The following CCDC172 variants were observed in gnomAD, a reference collection of about 807,000 sequenced individuals.
The protein encoded by CCDC172 is coiled-coil domain containing 172, also known as coiled-coil domain-containing protein 172.
A neutral mutation model predicts 38.0 loss-of-function variants in CCDC172; 30 were observed. The observed-to-expected ratio is 0.79, with a 90% CI of 0.59 to 1.07. The LOEUF is 1.07. Among genes scored for constraint, CCDC172 ranks in the 50% least tolerant of loss-of-function variants. The pLI, the probability that CCDC172 is intolerant of heterozygous loss-of-function variation, is 0.00. For missense variants in CCDC172, 297 were observed against 290.1 expected, an observed-to-expected ratio of 1.02 and a Z score of -0.17; for synonymous variants, 78 against 88.3, an observed-to-expected ratio of 0.88 and a Z score of 0.66.
chr10:116,351,219 T>A (rs1280823319), intron 5 of CCDC172, among the ~76,000 whole-genome samples: 9 of 152,170 alleles, frequency 5.9e-5, no homozygotes, highest in African/African-American at 7.2e-5. Flanking sequence ...GTATCTTTTT[T>A]AATCTGTTGA....
chr10:116,336,994 C>A (rs1844740547), intron 3 of CCDC172, among the ~76,000 whole-genome samples: 1 of 151,748 alleles, frequency 6.6e-6, no homozygotes, highest in African/African-American at 2.4e-5. Flanking sequence ...ACTATAAGCT[C>A]CATTAAAAAA....
intron 7 of CCDC172, among the ~76,000 whole-genome samples, chr10:116,363,915 G>A (rs1845092912): frequency 6.7e-6 from 1 of 149,124 alleles, no homozygotes; most frequent in Non-Finnish European, 1.5e-5. Flanking sequence ...TGGGCAACAG[G>A]AGCGAGACTT....
At chr10:116,333,606 GA>G (rs1364425711) in intron 3 of CCDC172, among the ~76,000 whole-genome samples, 1 of 152,136 alleles carries the variant, frequency 6.6e-6, no homozygotes, top group Non-Finnish European at 1.5e-5. Flanking sequence ...AAATAACACA[GA>G]AGTTATCTTA....
At chr10:116,371,398 G>A (rs1313520230) in intron 7 of CCDC172, among the ~76,000 whole-genome samples, 6 of 151,612 alleles carry the variant, frequency 4.0e-5, no homozygotes, top group Non-Finnish European at 8.9e-5. Flanking sequence ...AATCCTAATA[G>A]ATCTTAGTGT....
chr10:116,342,122 GAA>G lies in CCDC172; in HGVS notation c.372_373del (p.Glu126AlafsTer10). On this transcript the variant is annotated frameshift_variant, in exon 5 of 9. Transcript: ENST00000333254. LOFTEE classifies it high-confidence loss of function. ...DFNNDYEITKKRELLMKENVK... is the reference protein window; with the variant it reads ...DFNNDYEITKXRELLMKENVK... ...TTAATAATGATTATGAAATAACAAA[GAA>G]AAGAGAGCTTTTGATGAAAGAAAAT... is the stretch of plus-strand genomic sequence containing the variant. The G allele has an allele frequency of 6.4e-7, 1 of 1,550,758 alleles. No individual in the cohort carries two copies. The highest frequency in any genetic ancestry group is 8.6e-7 in the Non-Finnish European group (1 of 1,158,230).
chr10:116,358,055 T>C, intron 7 of CCDC172, 117 bp downstream of exon 7: 1 of 625,740 alleles, frequency 1.6e-6, no homozygotes, highest in Non-Finnish European at 2.8e-6. Context: ...AGGACATTAT[T>C]TTCTTCTCTG....
chr10:116,328,918 C>G (rs897275551), intron 3 of CCDC172, among the ~76,000 whole-genome samples: 3 of 151,890 alleles, frequency 2.0e-5, no homozygotes, highest in Non-Finnish European at 2.9e-5. Flanking sequence ...TTTTTTCTTT[C>G]TTTACACTTA....
intron 3 of CCDC172, 70 bp from the exon 4 acceptor site, chr10:116,340,664 C>T: frequency 1.4e-6 from 1 of 736,752 alleles, no homozygotes; most frequent in Non-Finnish European, 2.3e-6. Context: ...CAAATCTTCT[C>T]TGTTACCTAA....
In CCDC172 at chr10:116,358,003, A is replaced by G. The variant is rs577345453; in HGVS notation, c.653+65A>G. On this transcript the variant is annotated intron_variant, in intron 7 of 8. Coordinates refer to ENST00000333254, the MANE Select transcript of CCDC172 (RefSeq NM_198515.3). The stretch of plus-strand genomic sequence containing the variant: ...TTTTTCAAGTTAAATAGATTTCAGT[A>G]TAAAGCTAAGTGCATCAATTATTAA... 33 of 838,432 alleles carry G rather than the reference A, an allele frequency of 3.9e-5. No individual in the cohort carries two copies. In the Admixed American group the frequency reaches 6.9e-4, roughly 17 times the overall value. 51.9% of individuals were successfully genotyped at this position (838,432 alleles called of 1,614,324 possible). A position where few individuals can be genotyped will look rare whatever the true frequency, so the allele number is the denominator to read the frequency against.
chr10:116,377,591 GA>G (rs745723938), intron 7 of CCDC172, among the ~76,000 whole-genome samples: 14 of 152,044 alleles, frequency 9.2e-5, no homozygotes, highest in Non-Finnish European at 1.9e-4. Context: ...CTTAATTGGG[GA>G]AAAGAAACTT....
chr10:116,332,478 T>C (rs1844675773), intron 3 of CCDC172, among the ~76,000 whole-genome samples: 1 of 152,132 alleles, frequency 6.6e-6, no homozygotes, highest in Non-Finnish European at 1.5e-5. Flanking sequence ...TCTTCTAAGC[T>C]ATTAATATCT....
chr10:116,355,252 T>C (rs61864798), intron 5 of CCDC172, among the ~76,000 whole-genome samples: 2,298 of 152,316 alleles, frequency 0.015, 30 homozygotes, highest in Non-Finnish European at 0.025. Context: ...TTTTATACTG[T>C]ATTTTTGCTG....
Position 116,375,930 on chromosome 10 carries a change from T to G in CCDC172, c.654-2493T>G. ...AACACTTGTACACTGTTAGTGGGAGTGTAAATTAGTTCAACCATTGTGGAA... is the reference window on the plus strand; with the variant it reads ...AACACTTGTACACTGTTAGTGGGAGGGTAAATTAGTTCAACCATTGTGGAA... On this transcript the variant is annotated intron_variant, in intron 7 of 8. Transcript: ENST00000333254. Among the ~76,000 whole-genome samples, 2 of 151,904 alleles carry G rather than the reference T, an allele frequency of 1.3e-5. 1 individual carries two copies. The highest frequency in any genetic ancestry group is 2.9e-5 in the Non-Finnish European group (2 of 67,982).
intron 5 of CCDC172, among the ~76,000 whole-genome samples, chr10:116,353,230 C>G (rs1422457309): frequency 6.6e-6 from 1 of 151,828 alleles, no homozygotes; most frequent in Non-Finnish European, 1.5e-5. Context: ...CACCTCATAC[C>G]ATACACAAAA....
intron 7 of CCDC172, among the ~76,000 whole-genome samples, chr10:116,371,931 G>T (rs1467613417): frequency 6.6e-6 from 1 of 151,484 alleles, no homozygotes; most frequent in East Asian, 2.0e-4. Flanking sequence ...TGAGGCCTCA[G>T]ACCTTCTCTC....
intron 3 of CCDC172, among the ~76,000 whole-genome samples, chr10:116,329,348 C>G (rs1844629108): frequency 1.4e-5 from 2 of 141,612 alleles, no homozygotes; most frequent in African/African-American, 2.7e-5. Flanking sequence ...GCTGTTTTTT[C>G]TTGGATATGC....
At chr10:116,352,990 A>T (rs572779407) in intron 5 of CCDC172, among the ~76,000 whole-genome samples, 1 of 152,000 alleles carries the variant, frequency 6.6e-6, no homozygotes, top group Non-Finnish European at 1.5e-5. Context: ...TCAGGAGATC[A>T]AGACCATCCT....
chr10:116,326,388 G>A (rs1319138222), intron 3 of CCDC172, among the ~76,000 whole-genome samples: 2 of 152,100 alleles, frequency 1.3e-5, no homozygotes, highest in Non-Finnish European at 2.9e-5. Flanking sequence ...TATTTATTAA[G>A]TACCCAGTGA....
At chr10:116,344,774 CAT>C (rs1397805996) in intron 5 of CCDC172, among the ~76,000 whole-genome samples, 1 of 151,256 alleles carries the variant, frequency 6.6e-6, no homozygotes, top group African/African-American at 2.4e-5. Flanking sequence ...GTTTAAAACA[CAT>C]GTTGTATGAA....
Sources: allele counts gnomAD v4.1 joint callset (sites outside exome capture counted in the v4.1 genomes callset), GRCh38; gene constraint gnomAD v4.1.1; transcripts MANE v1.5; gene names NCBI Gene and HGNC (gene_info 2026-07-23, HGNC 2026-07-21).